ANGPTL2: variants seen among roughly 807,000 people sequenced by gnomAD.
ANGPTL2 encodes the protein angiopoietin like 2, also known as angiopoietin-related protein 2.
Under a neutral mutation model 52.8 loss-of-function variants are expected in ANGPTL2, and 25 were observed. The ratio of observed to expected loss-of-function variants is 0.47; its 90% CI spans 0.35 to 0.66. The LOEUF is 0.66. Ranked by LOEUF, ANGPTL2 falls within the 30% of genes least tolerant of loss-of-function variation. The probability of loss-of-function intolerance (pLI) is 0.01; values close to 1 mark genes in which losing one functional copy is unlikely to be tolerated. For synonymous variants in ANGPTL2, 276 were observed against 277.4 expected, an observed-to-expected ratio of 1.00 and a Z score of 0.05; for missense variants, 546 against 656.9, an observed-to-expected ratio of 0.83 and a Z score of 1.84.
intron 1 of ANGPTL2, among the ~76,000 whole-genome samples, chr9:127,119,981 T>C (rs1387797183): frequency 2.6e-5 from 4 of 152,188 alleles, no homozygotes; most frequent in African/African-American, 9.7e-5. Flanking sequence ...TTCAAAATGC[T>C]TCCAAGCGTG....
At position 127,108,120 on chromosome 9, in the gene ANGPTL2, G is replaced by A. The variant is rs1373570120; in HGVS notation, c.612C>T (p.Cys204=). Residue 204 remains cysteine, a synonymous_variant, in exon 2 of 5, where the codon TGC becomes TGT. Transcript: ENST00000373425. The stretch of plus-strand genomic sequence containing the variant: ...CGGGCCTGGCCGAGGGCACCCTCTG[G>A]CAGTGCTCCTCAAGCTGCGCGATGA... ...SEIIAQLEEH[C]QRVPSARPVP... 3.1e-6 allele frequency: 5 copies of A among 1,613,752 alleles called. No individual in the cohort carries two copies. Among genetic ancestry groups the A allele is most frequent in the Admixed American group, 1.7e-5 (1 of 60,022 alleles).
At position 127,088,935 on chromosome 9, in the gene ANGPTL2, T is replaced by C; in HGVS notation, c.*4A>G. The C allele has an allele frequency of 6.2e-7, 1 of 1,614,178 alleles. No individual in the cohort carries two copies. Among genetic ancestry groups the C allele is most frequent in the Non-Finnish European group, 8.5e-7 (1 of 1,180,022 alleles). ...GCCACGAGAGGTCAGGAGGGGGAGCTGGCTTAGTGGAAGGTGTTGGGGTTC... is the reference window on the plus strand; with the variant it reads ...GCCACGAGAGGTCAGGAGGGGGAGCCGGCTTAGTGGAAGGTGTTGGGGTTC... On this transcript the variant is annotated 3_prime_UTR_variant, in exon 5 of 5. Transcript: ENST00000373425.
At position 127,122,034 on chromosome 9, in the gene ANGPTL2, C is replaced by T. The variant is rs544688205; in HGVS notation, c.-50+281G>A. On this transcript the variant is annotated intron_variant, in intron 1 of 4. Coordinates refer to ENST00000373425, the MANE Select transcript of ANGPTL2 (RefSeq NM_012098.3). The surrounding 1 kb of genome is among the most constrained non-coding windows in gnomAD (Gnocchi z 6.4). ...CTCTGCCGTGCCGGGAGCTGCCGGCCGGCACCCCAAAGGCTCTTTGTCCAA... is the reference window on the plus strand; with the variant it reads ...CTCTGCCGTGCCGGGAGCTGCCGGCTGGCACCCCAAAGGCTCTTTGTCCAA... 2.0e-5 allele frequency among the ~76,000 whole-genome samples: 3 copies of T among 152,290 alleles called. No individual in the cohort carries two copies. The highest frequency in any genetic ancestry group is 6.5e-5 in the Admixed American group (1 of 15,308).
In ANGPTL2 at chr9:127,108,237, C is replaced by G. The variant is rs1275014412; in HGVS notation, c.495G>C (p.Gln165His). ...LSQLENRILNQTADMLQLASK... is the reference protein window; with the variant it reads ...LSQLENRILNHTADMLQLASK... ...TGGCCAGCTGCAGCATGTCGGCTGT[C>G]TGGTTCAGGATCCTGTTCTCCAGCT... Residue 165 changes from glutamine to histidine, a missense_variant, in exon 2 of 5, where the codon CAG (glutamine) becomes CAC (histidine). Gln to His is a conservative substitution (Grantham distance 24). This residue lies in a region of ANGPTL2 where 285 missense variants were observed against 295.8 expected (regional missense o/e 0.96). Coordinates refer to ENST00000373425, the MANE Select transcript of ANGPTL2 (RefSeq NM_012098.3). The G allele has an allele frequency of 1.2e-6, 2 of 1,614,058 alleles. No homozygotes were observed. The highest frequency in any genetic ancestry group is 8.5e-7 in the Non-Finnish European group (1 of 1,180,016).
chr9:127,101,907 A>T (rs1376204026), intron 2 of ANGPTL2, among the ~76,000 whole-genome samples: 1 of 151,580 alleles, frequency 6.6e-6, no homozygotes, highest in East Asian at 1.9e-4. Flanking sequence ...AAAGTAACTT[A>T]TTTTTTTTTA....
At chr9:127,109,587 G>A (rs752113697) in intron 1 of ANGPTL2, among the ~76,000 whole-genome samples, 9 of 152,200 alleles carry the variant, frequency 5.9e-5, no homozygotes, top group Non-Finnish European at 1.2e-4. Flanking sequence ...TAAGTTAGAA[G>A]GGAGCAGAAC....
In ANGPTL2 at chr9:127,101,493, GACCCTCCATCCTTC is replaced by G. The variant is rs1188061185; in HGVS notation, c.817+6408_817+6421del. ...CTCCATCCTTCAATCCTCTATCCTT[GACCCTCCATCCTTC>G]ACCCTCCATCCTTCACCATCCTGAG... is the stretch of plus-strand genomic sequence containing the variant. On this transcript the variant is annotated intron_variant, in intron 2 of 4. Transcript: ENST00000373425. Among the ~76,000 whole-genome samples, 9 of 152,062 alleles carry G rather than the reference GACCCTCCATCCTTC, an allele frequency of 5.9e-5. No individual in the cohort carries two copies. The South Asian group carries it at 8.3e-4, about 14-fold the overall frequency.
rs1015094610 is a variant in ANGPTL2, at chr9:127,108,334, C to T, written c.398G>A (p.Arg133Gln). Residue 133 changes from arginine to glutamine, a missense_variant, in exon 2 of 5, where the codon CGG (arginine) becomes CAG (glutamine). By Grantham distance (43) the Arg-to-Gln change is conservative (BLOSUM62 1). Around this residue, in one of 2 missense-constraint regions of ANGPTL2, gnomAD observed 285 missense variants for 295.8 expected, o/e 0.96. Coordinates refer to ENST00000373425, the MANE Select transcript of ANGPTL2 (RefSeq NM_012098.3). ...GAGCTGCATGTAGAGCTGCGTGACCCGCGAGTTCATGTTGCGGCTCTCCTT... is the reference window on the plus strand; with the variant it reads ...GAGCTGCATGTAGAGCTGCGTGACCTGCGAGTTCATGTTGCGGCTCTCCTT... ...LRKESRNMNS[R>Q]VTQLYMQLLH... 3 of 1,613,014 alleles carry T rather than the reference C, an allele frequency of 1.9e-6. No homozygotes were observed. Among genetic ancestry groups the T allele is most frequent in the Non-Finnish European group, 1.7e-6 (2 of 1,179,468 alleles).
chr9:127,107,936 A>G lies in ANGPTL2; in HGVS notation c.796T>C (p.Ser266Pro). Residue 266 changes from serine to proline, a missense_variant, in exon 2 of 5, where the codon TCT (serine) becomes CCT (proline). Transcript: ENST00000373425. ...TTACCCGACGGCTTGTCGGTGGAAG[A>G]TGGGAGGCTGGTGAGAGTGGGCATA... ...PTMPTLTSLP[S>P]STDKPSGPWR... 3 of 1,535,966 alleles carry G rather than the reference A, an allele frequency of 2.0e-6. No homozygotes were observed. Among genetic ancestry groups the G allele is most frequent in the Non-Finnish European group, 2.6e-6 (3 of 1,137,298 alleles).
chr9:127,089,046 G>C lies in ANGPTL2; in HGVS notation c.1375C>G (p.Arg459Gly). 6.2e-7 allele frequency: 1 copy of C among 1,614,198 alleles called. No homozygotes were observed. The highest frequency in any genetic ancestry group is 1.1e-5 in the South Asian group (1 of 91,076). ...TAGACTCCGTCCTGGTAGCGGCTCCGGTAATGGCCCCCGCGGTACCAGACC... is the reference window on the plus strand; with the variant it reads ...TAGACTCCGTCCTGGTAGCGGCTCCCGTAATGGCCCCCGCGGTACCAGACC... ...NGVWYRGGHY[R>G]SRYQDGVYWA... The change falls in exon 5 of 5, where the codon CGG becomes GGG. Residue 459 changes from arginine to glycine, a missense_variant. Transcript: ENST00000373425.
intron 2 of ANGPTL2, among the ~76,000 whole-genome samples, chr9:127,094,544 C>CCTA (rs1430828899): frequency 6.6e-6 from 1 of 152,250 alleles, no homozygotes; most frequent in Non-Finnish European, 1.5e-5. Context: ...TCACAGGGGC[C>CCTA]TAGGCCATGC....
At position 127,122,030 on chromosome 9, in the gene ANGPTL2, C is replaced by T. The variant is rs953402542; in HGVS notation, c.-50+285G>A. On this transcript the variant is annotated intron_variant, in intron 1 of 4. Transcript: ENST00000373425. The surrounding 1 kb of genome is among the most constrained non-coding windows in gnomAD (Gnocchi z 6.4). Reference sequence around the variant, plus strand: ...GCTGCTCTGCCGTGCCGGGAGCTGCCGGCCGGCACCCCAAAGGCTCTTTGT... The same window carrying T: ...GCTGCTCTGCCGTGCCGGGAGCTGCTGGCCGGCACCCCAAAGGCTCTTTGT... Among the ~76,000 whole-genome samples the T allele has an allele frequency of 8.5e-5, 13 of 152,188 alleles. 1 individual carries two copies. The highest frequency in any genetic ancestry group is 1.2e-4 in the African/African-American group (5 of 41,454).
intron 2 of ANGPTL2, among the ~76,000 whole-genome samples, chr9:127,096,158 C>T (rs553767989): frequency 6.6e-6 from 1 of 152,338 alleles, no homozygotes; most frequent in South Asian, 2.1e-4. Flanking sequence ...CCCACCACTC[C>T]CTCAGTATCC....
chr9:127,099,356 T>G (rs2053491280), intron 2 of ANGPTL2, among the ~76,000 whole-genome samples: 1 of 152,228 alleles, frequency 6.6e-6, no homozygotes, highest in Non-Finnish European at 1.5e-5. Context: ...CTGTTTTCAG[T>G]TACTCTCACT....
chr9:127,090,363 C>T (rs1421711937), intron 4 of ANGPTL2, among the ~76,000 whole-genome samples: 1 of 152,254 alleles, frequency 6.6e-6, no homozygotes, highest in African/African-American at 2.4e-5. Flanking sequence ...GAAGGTTATC[C>T]TTCTGCCCTG....
At chr9:127,092,488 G>C (rs1464709988) in intron 3 of ANGPTL2, among the ~76,000 whole-genome samples, 1 of 152,096 alleles carries the variant, frequency 6.6e-6, no homozygotes, top group Non-Finnish European at 1.5e-5. Context: ...GTCAGCAGCT[G>C]AGTTACGGCC....
intron 1 of ANGPTL2, among the ~76,000 whole-genome samples, chr9:127,120,412 C>A (rs187194673): frequency 1.3e-5 from 2 of 152,332 alleles, no homozygotes; most frequent in East Asian, 3.9e-4. Context: ...TAAAGCCCCC[C>A]TCTCCTCAGG....
chr9:127,121,965 C>T (rs1007987004), intron 1 of ANGPTL2, among the ~76,000 whole-genome samples: 1 of 152,232 alleles, frequency 6.6e-6, no homozygotes, highest in African/African-American at 2.4e-5. Flanking sequence ...CTTCAGTACG[C>T]TGCCCTCTAA....
chr9:127,119,210 C>T (rs1330500094), intron 1 of ANGPTL2, among the ~76,000 whole-genome samples: 2 of 152,188 alleles, frequency 1.3e-5, no homozygotes, highest in African/African-American at 2.4e-5. Flanking sequence ...ACCCTCATAA[C>T]TGTGCTGAGG....
Sources: allele counts gnomAD v4.1 joint callset (sites outside exome capture counted in the v4.1 genomes callset), GRCh38; gene constraint gnomAD v4.1.1; regional missense constraint gnomAD v4.1.1; non-coding constraint Gnocchi (gnomAD v3.1); transcripts MANE v1.5; gene names NCBI Gene and HGNC (gene_info 2026-07-23, HGNC 2026-07-21).